AGBL4: variants seen among roughly 807,000 people sequenced by gnomAD.
AGBL4 encodes cytosolic carboxypeptidase 6.
AGBL4 carries 58 observed loss-of-function variants against 66.4 expected under a neutral mutation model. The ratio of observed to expected loss-of-function variants is 0.87; its 90% CI spans 0.71 to 1.09. AGBL4 has a LOEUF of 1.09. AGBL4 is among the 50% of genes least tolerant of loss of function. AGBL4 has a pLI of 0.00. For synonymous variants in AGBL4, 234 were observed against 222.9 expected, an observed-to-expected ratio of 1.05 and a Z score of -0.44; for missense variants, 579 against 631.0, an observed-to-expected ratio of 0.92 and a Z score of 0.88.
Position 48,533,737 on chromosome 1 carries a change from G to C in AGBL4, c.*436C>G. Reference sequence around the variant, plus strand: ...GTGTTGTTGCTGTTGTTTTGGATCAGAAAATACAAACACTGCATTTCTAAA... The same window carrying C: ...GTGTTGTTGCTGTTGTTTTGGATCACAAAATACAAACACTGCATTTCTAAA... On this transcript the variant is annotated 3_prime_UTR_variant, in exon 14 of 14. Transcript: ENST00000371839. 5.2e-6 allele frequency: 1 copy of C among 192,978 alleles called. No homozygotes were observed. Among genetic ancestry groups the C allele is most frequent in the Non-Finnish European group, 1.1e-5 (1 of 93,926 alleles). 12.0% of individuals were successfully genotyped at this position (192,978 alleles called of 1,614,324 possible).
chr1:49,525,878 G>A (rs1366665339), intron 3 of AGBL4, among the ~76,000 whole-genome samples: 1 of 151,866 alleles, frequency 6.6e-6, no homozygotes, highest in Non-Finnish European at 1.5e-5. Flanking sequence ...AGGAGGTCAG[G>A]AGATCCAGAC....
chr1:48,856,947 A>G (rs1647175547), intron 6 of AGBL4, among the ~76,000 whole-genome samples: 2 of 152,210 alleles, frequency 1.3e-5, no homozygotes, highest in African/African-American at 4.8e-5. Context: ...AAGGGATAAT[A>G]TCACAGATGA....
intron 4 of AGBL4, among the ~76,000 whole-genome samples, chr1:49,094,749 T>G (rs1385299612): frequency 6.6e-6 from 1 of 152,156 alleles, no homozygotes; most frequent in Non-Finnish European, 1.5e-5. Flanking sequence ...GGGCAAAAAC[T>G]GGAAGCATTC....
intron 3 of AGBL4, among the ~76,000 whole-genome samples, chr1:49,301,763 A>C (rs545248709): frequency 8.1e-4 from 124 of 152,284 alleles, no homozygotes; most frequent in African/African-American, 2.9e-3. Context: ...CCATTCTGGC[A>C]GACCAATTGA....
intron 11 of AGBL4, among the ~76,000 whole-genome samples, chr1:48,550,356 G>A (rs1326915625): frequency 2.0e-5 from 3 of 151,826 alleles, no homozygotes; most frequent in African/African-American, 7.3e-5. Flanking sequence ...TTGGTTTCTG[G>A]TGGCTGTTGG....
intron 1 of AGBL4, among the ~76,000 whole-genome samples, chr1:49,936,320 A>T (rs930596665): frequency 7.9e-5 from 12 of 152,186 alleles, no homozygotes; most frequent in Non-Finnish European, 1.3e-4. Context: ...AAAGCCTCCA[A>T]GAAATATGGG....
At chr1:49,502,281 G>T (rs927403816) in intron 3 of AGBL4, among the ~76,000 whole-genome samples, 1 of 152,054 alleles carries the variant, frequency 6.6e-6, no homozygotes, top group Non-Finnish European at 1.5e-5. Flanking sequence ...TCCTCAGCTT[G>T]CAGAGAGTCT....
chr1:49,470,876 A>C (rs994559705), intron 3 of AGBL4, among the ~76,000 whole-genome samples: 1 of 152,014 alleles, frequency 6.6e-6, no homozygotes, highest in Non-Finnish European at 1.5e-5. Context: ...CTGCTGCTGT[A>C]CCTGCGGCTT....
chr1:49,288,622 C>T (rs151243159), intron 3 of AGBL4, among the ~76,000 whole-genome samples: 33 of 152,252 alleles, frequency 2.2e-4, no homozygotes, highest in Middle Eastern at 6.8e-3. Flanking sequence ...GAAAGTGGTA[C>T]CTATGAGGTT....
chr1:48,894,619 A>G (rs1040248179), intron 5 of AGBL4, among the ~76,000 whole-genome samples: 1 of 152,020 alleles, frequency 6.6e-6, no homozygotes, highest in Admixed American at 6.6e-5. Context: ...GATGTAGTAT[A>G]TAGTAAAAAA....
At chr1:49,948,235 TATATAAATAAA>T (rs1414398254) in intron 1 of AGBL4, among the ~76,000 whole-genome samples, 1 of 96,522 alleles carries the variant, frequency 1.0e-5, no homozygotes, top group East Asian at 2.9e-4. Flanking sequence ...TATATATAAA[TATATAAATAAA>T]TACATATAAA....
chr1:49,530,238 T>C (rs957317750), intron 3 of AGBL4, among the ~76,000 whole-genome samples: 7 of 123,016 alleles, frequency 5.7e-5, no homozygotes, highest in Admixed American at 1.8e-4. Flanking sequence ...TTTCCACAGC[T>C]ATGTTTTCAA....
rs561014079 is a variant in AGBL4 at position 49,839,409 on chromosome 1, T to G, written c.157+11987A>C. Among the ~76,000 whole-genome samples, 15 of 152,298 alleles carry G rather than the reference T, an allele frequency of 9.8e-5. No homozygotes were observed. In the East Asian group the frequency reaches 2.7e-3, roughly 27 times the overall value. On this transcript the variant is annotated intron_variant, in intron 2 of 13. Coordinates refer to ENST00000371839, the MANE Select transcript of AGBL4 (RefSeq NM_032785.4). ...TTTAATAACCATGCTTTTTTCCTCCTAAATGTCCTATTTTTTCTCTAAATG... is the reference window on the plus strand; with the variant it reads ...TTTAATAACCATGCTTTTTTCCTCCGAAATGTCCTATTTTTTCTCTAAATG...
chr1:49,438,308 C>G (rs1311718650), intron 3 of AGBL4, among the ~76,000 whole-genome samples: 1 of 152,186 alleles, frequency 6.6e-6, no homozygotes, highest in Non-Finnish European at 1.5e-5. Context: ...ATTAGGCTCA[C>G]TTCCCTGAGA....
intron 6 of AGBL4, among the ~76,000 whole-genome samples, chr1:48,837,036 T>C (rs1646693140): frequency 6.8e-6 from 1 of 148,126 alleles, no homozygotes; most frequent in Non-Finnish European, 1.5e-5. Flanking sequence ...ATAAGTAATA[T>C]GATAATATAT....
chr1:49,139,064 C>T (rs987066916), intron 4 of AGBL4, among the ~76,000 whole-genome samples: 2 of 151,986 alleles, frequency 1.3e-5, no homozygotes, highest in Admixed American at 1.3e-4. Context: ...TTTAAACAAC[C>T]AGATCTCATG....
intron 6 of AGBL4, among the ~76,000 whole-genome samples, chr1:48,692,064 A>T (rs912068916): frequency 4.6e-5 from 7 of 152,206 alleles, no homozygotes; most frequent in Non-Finnish European, 1.0e-4. Flanking sequence ...ACTAGGAAGA[A>T]TCTGAAGTTT....
chr1:49,140,814 C>A, intron 4 of AGBL4, among the ~76,000 whole-genome samples: 1 of 152,128 alleles, frequency 6.6e-6, no homozygotes, highest in Non-Finnish European at 1.5e-5. Flanking sequence ...GGCTTAAAGT[C>A]TAGTCCTCTT....
At chr1:49,100,169 G>C (rs1386889109) in intron 4 of AGBL4, among the ~76,000 whole-genome samples, 1 of 152,146 alleles carries the variant, frequency 6.6e-6, no homozygotes, top group Non-Finnish European at 1.5e-5. Flanking sequence ...AGTTGATGAA[G>C]GAAAAAGTAA....
Sources: gnomAD v4.1 joint callset for allele counts (sites outside exome capture counted in the v4.1 genomes callset) on GRCh38, gnomAD v4.1.1 for gene constraint, MANE v1.5 for transcripts, NCBI Gene and HGNC (gene_info 2026-07-23, HGNC 2026-07-21) for gene names.